MZT2A: variants seen among roughly 807,000 people sequenced by gnomAD.
MZT2A encodes the protein mitotic spindle organizing protein 2A.
A neutral mutation model predicts 12.4 loss-of-function variants in MZT2A; 8 were observed. The ratio of observed to expected loss-of-function variants is 0.64; its 90% CI spans 0.38 to 1.16. The LOEUF (loss-of-function observed/expected upper bound fraction) is 1.16. Ranked by LOEUF, MZT2A falls within the 50% of genes most tolerant of loss-of-function variation. The pLI is 0.01. For missense variants in MZT2A, 181 were observed against 223.6 expected (o/e 0.81, Z 1.22); for synonymous variants, 88 against 107.5 (o/e 0.82, Z 1.12).
rs550319971 is a variant in MZT2A, at chr2:131,490,399, A to T, written c.319+1477T>A. 189 of 1,193,858 alleles carry T rather than the reference A, an allele frequency of 1.6e-4. 1 individual carries two copies. In the African/African-American group the frequency reaches 2.5e-3, roughly 16 times the overall value. 74.0% of individuals were successfully genotyped at this position (1,193,858 alleles called of 1,614,324 possible). A position where few individuals can be genotyped will look rare whatever the true frequency, so the allele number is the denominator to read the frequency against. On this transcript the variant is annotated intron_variant, in intron 2 of 2. Transcript: ENST00000309451. Reference sequence around the variant, plus strand: ...CACGCCTGGGGCTGTGCTCTCCAGCAGAGCACACTGCACCCGGCTGGCTGT... The same window carrying T: ...CACGCCTGGGGCTGTGCTCTCCAGCTGAGCACACTGCACCCGGCTGGCTGT...
chr2:131,493,732 T>C (rs1471502888), upstream of MZT2A, among the ~76,000 whole-genome samples: 1 of 151,908 alleles, frequency 6.6e-6, no homozygotes, highest in African/African-American at 2.4e-5. Flanking sequence ...AAATAGGTGT[T>C]GGAGAGTCGC....
chr2:131,471,375 A>G (rs1449908152), intron 3 of MZT2A, among the ~76,000 whole-genome samples: 2 of 139,670 alleles, frequency 1.4e-5, no homozygotes, highest in Non-Finnish European at 3.0e-5. Flanking sequence ...TGTATTTTAG[A>G]AAACAGAGCC....
chr2:131,485,111 G>A (rs1450538867), intron 2 of MZT2A, among the ~76,000 whole-genome samples: 1 of 152,146 alleles, frequency 6.6e-6, no homozygotes, highest in East Asian at 1.9e-4. Context: ...CATGCGGAGT[G>A]CCTTGGCCAG....
downstream of MZT2A, chr2:131,480,115 T>A: frequency 6.2e-7 from 1 of 1,612,248 alleles, no homozygotes; most frequent in Non-Finnish European, 8.5e-7. Context: ...TTCCACAGCT[T>A]TGGGGGCGGC....
rs571441485 is a variant in MZT2A at position 131,476,856 on chromosome 2, G to T, written c.279-4674C>A. On this transcript the variant is annotated intron_variant and NMD_transcript_variant, in intron 2 of 4. Transcript: ENST00000427024. ...AGGCTGAGGTGGGAGGATCAGCCGA[G>T]CCTGGAACTTTGAGGCTGCAGTGAG... is the stretch of plus-strand genomic sequence containing the variant. 5.2e-4 allele frequency among the ~76,000 whole-genome samples: 78 copies of T among 150,088 alleles called. 2 individuals carry two copies. The South Asian group carries it at 0.016, about 31-fold the overall frequency.
chr2:131,492,407 C>G (rs1382917699), upstream of MZT2A: 5 of 1,227,126 alleles, frequency 4.1e-6, no homozygotes, highest in Non-Finnish European at 5.0e-6. Flanking sequence ...TGCGCCCCGC[C>G]CCGCCGCGCC....
downstream of MZT2A, chr2:131,479,553 A>C (rs1319053820): frequency 6.4e-7 from 1 of 1,567,360 alleles, no homozygotes; most frequent in Non-Finnish European, 8.7e-7. Flanking sequence ...TTAGACCAGC[A>C]TCTTGGCCGG....
chr2:131,490,613 G>T (rs1028386556), intron 2 of MZT2A: 44 of 1,547,740 alleles, frequency 2.8e-5, no homozygotes, highest in Non-Finnish European at 3.4e-5. Context: ...GCATGATCCT[G>T]CCCTTGCAGC....
chr2:131,478,485 G>A (rs1319639746), intron 2 of MZT2A: 17 of 1,361,414 alleles, frequency 1.2e-5, no homozygotes, highest in Non-Finnish European at 1.7e-5. Context: ...CTGAAAGGAT[G>A]GGATAGACAG....
intron 2 of MZT2A, among the ~76,000 whole-genome samples, chr2:131,485,942 T>A (rs188867163): frequency 3.5e-4 from 53 of 151,864 alleles, no homozygotes; most frequent in Admixed American, 2.9e-3. Flanking sequence ...ATTCTCCCCA[T>A]ACCCTGCAGG....
At chr2:131,480,905 G>T (rs1678841252), downstream of MZT2A, among the ~76,000 whole-genome samples, 1 of 151,262 alleles carries the variant, frequency 6.6e-6, no homozygotes, top group African/African-American at 2.5e-5. Flanking sequence ...TTGATTCAGT[G>T]ATTTCTTTTT....
chr2:131,484,750 C>G (rs1489009513), intron 2 of MZT2A, among the ~76,000 whole-genome samples: 2 of 152,170 alleles, frequency 1.3e-5, no homozygotes, highest in African/African-American at 4.8e-5. Flanking sequence ...TTCATTGTTT[C>G]CTACCTACCC....
At chr2:131,489,969 C>G in intron 2 of MZT2A, 3 of 977,458 alleles carry the variant, frequency 3.1e-6, no homozygotes, top group Non-Finnish European at 3.6e-6. Context: ...AACTCTGTTC[C>G]CAGTTTCTCC....
At chr2:131,482,105 T>A (rs1222043223), downstream of MZT2A, among the ~76,000 whole-genome samples, 1 of 152,248 alleles carries the variant, frequency 6.6e-6, no homozygotes, top group Non-Finnish European at 1.5e-5. Context: ...TACCTTTGCA[T>A]ATCCACAGTG....
downstream of MZT2A, among the ~76,000 whole-genome samples, chr2:131,479,829 G>C (rs927588982): frequency 6.6e-6 from 1 of 151,982 alleles, no homozygotes; most frequent in Non-Finnish European, 1.5e-5. Context: ...AACAGAGCAA[G>C]ATTCCGTCTC....
At chr2:131,481,734 A>G (rs1401668673), downstream of MZT2A, among the ~76,000 whole-genome samples, 1 of 151,906 alleles carries the variant, frequency 6.6e-6, no homozygotes, top group Non-Finnish European at 1.5e-5. Flanking sequence ...CACCCAGCTA[A>G]TATTTGTATT....
chr2:131,480,848 C>G, downstream of MZT2A: 1 of 1,501,580 alleles, frequency 6.7e-7, no homozygotes, highest in East Asian at 2.3e-5. Context: ...TATCCCTGTT[C>G]CATGGGCTAG....
downstream of MZT2A, chr2:131,480,654 G>A: frequency 1.2e-6 from 2 of 1,613,786 alleles, no homozygotes; most frequent in Non-Finnish European, 1.7e-6. Context: ...GTTGTACAGG[G>A]GGGACGTGGT....
rs1043018382 is a variant in MZT2A at position 131,492,116 on chromosome 2, G to A, written c.170+91C>T. 1.2e-5 allele frequency: 19 copies of A among 1,552,180 alleles called. No homozygotes were observed. In the African/African-American group the frequency reaches 2.2e-4, roughly 18 times the overall value. On this transcript the variant is annotated intron_variant, in intron 1 of 2. Coordinates refer to ENST00000309451, the MANE Select transcript of MZT2A (RefSeq NM_001085365.2). ...GACAAGGACGGGGGCGGGGGCAGCG[G>A]GGGCTCCTCCCGACCAGCGGGCCGG...
Sources: gnomAD v4.1 joint callset for allele counts (sites outside exome capture counted in the v4.1 genomes callset) on GRCh38, gnomAD v4.1.1 for gene constraint, MANE v1.5 for transcripts, NCBI Gene and HGNC (gene_info 2026-07-23, HGNC 2026-07-21) for gene names.